A2ML1: variants seen among roughly 807,000 people sequenced by gnomAD.
A2ML1 encodes alpha-2-macroglobulin like 1, also known as alpha-2-macroglobulin-like protein 1.
A2ML1 carries 161 observed loss-of-function variants against 181.9 expected under a neutral mutation model. The observed-to-expected ratio is 0.89, with a 90% CI of 0.78 to 1.01. A2ML1 has a LOEUF of 1.01. Among genes scored for constraint, A2ML1 ranks in the 50% least tolerant of loss-of-function variants. The pLI is 0.00. For synonymous variants in A2ML1, 663 were observed against 666.8 expected (o/e 0.99, Z 0.09); for missense variants, 1,670 against 1,768.1 (o/e 0.94, Z 1.00).
intron 29 of A2ML1, among the ~76,000 whole-genome samples, chr12:8,865,706 T>C (rs1177210097): frequency 6.6e-6 from 1 of 152,088 alleles, no homozygotes; most frequent in East Asian, 1.9e-4. Flanking sequence ...ATTGGGAAAT[T>C]GAATGAGTGG....
intron 6 of A2ML1, 71 bp from the exon 7 acceptor site, chr12:8,836,184 C>G (rs996625810): frequency 2.4e-6 from 3 of 1,256,140 alleles, no homozygotes; most frequent in South Asian, 2.4e-5. Flanking sequence ...TGTTTATACC[C>G]CTCTGCTCAC....
rs1268062666 is a variant in A2ML1 at position 8,839,261 on chromosome 12, A to G, written c.1080+39A>G. ...TTTCTCTGCATAGACAAAAAAATGC[A>G]TAACCATCTACTTTGCCTCCTTCCT... On this transcript the variant is annotated intron_variant, in intron 10 of 35. Transcript: ENST00000299698. The G allele has an allele frequency of 3.4e-6, 5 of 1,487,826 alleles. No homozygotes were observed. In the East Asian group the frequency reaches 6.8e-5, roughly 20 times the overall value. The allele number at this position is 1,487,826 out of a possible 1,614,324, so 92.2% of individuals were successfully genotyped here. A position where few individuals can be genotyped will look rare whatever the true frequency, so the allele number is the denominator to read the frequency against.
intron 15 of A2ML1, 22 bp downstream of exon 15, chr12:8,847,720 G>C (rs371912448): frequency 2.5e-6 from 4 of 1,600,672 alleles, no homozygotes; most frequent in African/African-American, 2.7e-5. Flanking sequence ...TCTGCTGACA[G>C]AGTGGGAGGA....
intron 33 of A2ML1, 139 bp downstream of exon 33, chr12:8,869,342 C>A: frequency 1.2e-6 from 1 of 813,820 alleles, no homozygotes; most frequent in Non-Finnish European, 2.0e-6. Flanking sequence ...ATGAGTTCTG[C>A]CTCCATGCTG....
At chr12:8,830,112 C>T (rs6487390) in intron 4 of A2ML1, among the ~76,000 whole-genome samples, 119,020 of 152,080 alleles carry the variant, frequency 0.78, 47,331 homozygotes, top group East Asian at 0.99. Context: ...AGTGCAATGG[C>T]GTGACCTCAG....
chr12:8,848,829 C>G lies in A2ML1; in HGVS notation c.1943C>G (p.Pro648Arg). ...GACTTTCCTCAGCCCCTCATTGACC[C>G]AATGCCCCAAGGGCATTCGAGCCAG... ...PWDFPQPLID[P>R]MPQGHSSQRS... Residue 648 changes from proline to arginine, a missense_variant, in exon 16 of 36, where the codon CCA (proline) becomes CGA (arginine). Physicochemically the swap from Pro to Arg is moderately radical, Grantham distance 103 (BLOSUM62 -2). Coordinates refer to ENST00000299698, the MANE Select transcript of A2ML1 (RefSeq NM_144670.6). The G allele has an allele frequency of 6.2e-7, 1 of 1,614,134 alleles. No individual in the cohort carries two copies. Among genetic ancestry groups the G allele is most frequent in the Non-Finnish European group, 8.5e-7 (1 of 1,180,024 alleles).
Position 8,867,986 on chromosome 12 carries a change from C to T in A2ML1, c.3862C>T (p.Gln1288Ter). 6.2e-7 allele frequency: 1 copy of T among 1,614,236 alleles called. No homozygotes were observed. Among genetic ancestry groups the T allele is most frequent in the Non-Finnish European group, 8.5e-7 (1 of 1,180,052 alleles). ...GTCAGTTAACAGATTGGTATTTCAG[C>T]AGGATACCCTGCCCAATGTCCCTGG... is the stretch of plus-strand genomic sequence containing the variant. The part of the protein sequence containing the change: ...IQSVNRLVFQ[Q>*]DTLPNVPGMY... Residue 1288 changes from glutamine (Q) to a stop codon, truncating the protein, a stop_gained, in exon 30 of 36, where the codon CAG becomes TAG. Transcript: ENST00000299698. LOFTEE classifies it high-confidence loss of function.
chr12:8,869,711 TG>T (rs1944556601), intron 33 of A2ML1, among the ~76,000 whole-genome samples: 1 of 152,150 alleles, frequency 6.6e-6, no homozygotes, highest in African/African-American at 2.4e-5. Flanking sequence ...TATGTTATAG[TG>T]GTTAATAGCA....
chr12:8,832,654 T>A (rs763108293), intron 4 of A2ML1, among the ~76,000 whole-genome samples: 36 of 152,232 alleles, frequency 2.4e-4, no homozygotes, highest in African/African-American at 8.4e-4. Flanking sequence ...TTATAACACC[T>A]TAATCTTCAG....
intron 7 of A2ML1, among the ~76,000 whole-genome samples, chr12:8,886,010 T>TCA (rs35294269): frequency 0.16 from 23,113 of 144,828 alleles, 2,148 homozygotes; most frequent in Non-Finnish European, 0.21. Flanking sequence ...CAACAATATC[T>TCA]CACACACACA....
At chr12:8,841,583 G>A (rs999480388) in intron 11 of A2ML1, 47 bp downstream of exon 11, 3 of 1,570,648 alleles carry the variant, frequency 1.9e-6, no homozygotes, top group East Asian at 2.3e-5. Context: ...AGGCTTCCCT[G>A]AAGGAAAACT....
Position 8,841,382 on chromosome 12 carries a change from G to A in A2ML1, c.1094G>A (p.Gly365Asp), listed in dbSNP as rs750018676. Residue 365 changes from glycine to aspartate, a missense_variant, in exon 11 of 36, where the codon GGC (glycine) becomes GAC (aspartate). Coordinates refer to ENST00000299698, the MANE Select transcript of A2ML1 (RefSeq NM_144670.6). The stretch of plus-strand genomic sequence containing the variant: ...TTTGTCCTTCAGATAAGAGTTAGGG[G>A]CCATGATGACTCCTTCCTCAAGAAC... The part of the protein sequence containing the change: ...FPFSGKIRVR[G>D]HDDSFLKNHL... 4.3e-6 allele frequency: 7 copies of A among 1,614,058 alleles called. No individual in the cohort carries two copies. The highest frequency in any genetic ancestry group is 5.1e-6 in the Non-Finnish European group (6 of 1,179,988).
intron 4 of A2ML1, among the ~76,000 whole-genome samples, chr12:8,831,391 C>G (rs1943109137): frequency 6.6e-6 from 1 of 152,160 alleles, no homozygotes; most frequent in Non-Finnish European, 1.5e-5. Flanking sequence ...TGTTACGATT[C>G]AAATGAAGCG....
At position 8,854,833 on chromosome 12, in the gene A2ML1, T is replaced by C; in HGVS notation, c.2764+2T>C. The C allele has an allele frequency of 1.2e-6, 2 of 1,613,122 alleles. No individual in the cohort carries two copies. The highest frequency in any genetic ancestry group is 1.7e-6 in the Non-Finnish European group (2 of 1,179,858). On this transcript the variant is annotated splice_donor_variant, in intron 22 of 35. Coordinates refer to ENST00000299698, the MANE Select transcript of A2ML1 (RefSeq NM_144670.6). LOFTEE classifies it high-confidence loss of function. ...ACAGCTCATTGCTGTGCCCAAAAGG[T>C]GGGTGGACTCAGAGCAGGATTGGTG...
chr12:8,829,570 A>G (rs1771602403), intron 3 of A2ML1, among the ~76,000 whole-genome samples, 157 bp from the exon 4 acceptor site: 1 of 150,532 alleles, frequency 6.6e-6, no homozygotes. Context: ...TGGGAGAATC[A>G]CTTGAGCCCA....
intron 33 of A2ML1, among the ~76,000 whole-genome samples, chr12:8,869,966 C>T (rs2136972354): frequency 6.6e-6 from 1 of 152,308 alleles, no homozygotes; most frequent in Non-Finnish European, 1.5e-5. Flanking sequence ...GTTAATATTA[C>T]TTAATATTAA....
chr12:8,843,434 T>G, intron 12 of A2ML1, 73 bp downstream of exon 12: 1 of 1,454,252 alleles, frequency 6.9e-7, no homozygotes, highest in Non-Finnish European at 9.4e-7. Flanking sequence ...AGCCAGAGGG[T>G]GCACCTAGGC....
chr12:8,853,003 T>C (rs1038901186), intron 20 of A2ML1, among the ~76,000 whole-genome samples: 1 of 152,130 alleles, frequency 6.6e-6, no homozygotes, highest in Non-Finnish European at 1.5e-5. Flanking sequence ...GCCTTTTATT[T>C]TTTTTTAGAG....
chr12:8,873,610 AT>A (rs1184829617), intron 33 of A2ML1, among the ~76,000 whole-genome samples: 1 of 151,956 alleles, frequency 6.6e-6, no homozygotes, highest in African/African-American at 2.4e-5. Flanking sequence ...ATACACACAC[AT>A]TTTTTTTCAG....
Sources: allele counts gnomAD v4.1 joint callset (sites outside exome capture counted in the v4.1 genomes callset), GRCh38; gene constraint gnomAD v4.1.1; transcripts MANE v1.5; gene names NCBI Gene and HGNC (gene_info 2026-07-23, HGNC 2026-07-21).